CELF1: variants seen among roughly 807,000 people sequenced by gnomAD.
CELF1 encodes 50 kDa nuclear polyadenylated RNA-binding protein.
Under a neutral mutation model 61.8 loss-of-function variants are expected in CELF1, and 10 were observed. The observed-to-expected ratio is 0.16, with a 90% confidence interval of 0.10 to 0.27. CELF1 has a LOEUF of 0.27. Among genes scored for constraint, CELF1 ranks in the 10% least tolerant of loss-of-function variants. The pLI is 1.00. For synonymous variants in CELF1, 236 were observed against 225.1 expected (o/e 1.05, Z -0.43); for missense variants, 380 against 639.1 (o/e 0.59, Z 4.37).
At chr11:47,520,214 A>G (rs1181332545) in intron 1 of CELF1, among the ~76,000 whole-genome samples, 1 of 152,244 alleles carries the variant, frequency 6.6e-6, no homozygotes, top group East Asian at 1.9e-4. Flanking sequence ...AAATGTTACC[A>G]TAAATGTGAA....
At chr11:47,499,121 C>A (rs923581401) in intron 3 of CELF1, among the ~76,000 whole-genome samples, 1 of 152,092 alleles carries the variant, frequency 6.6e-6, no homozygotes, top group East Asian at 1.9e-4. Context: ...CAACCCAAAG[C>A]GACAATGCTA....
intron 3 of CELF1, chr11:47,495,919 A>C (rs942931304): frequency 6.4e-6 from 6 of 940,226 alleles, no homozygotes; most frequent in Non-Finnish European, 7.6e-6. Flanking sequence ...TAATTATACA[A>C]AAAGAAAAAA....
At chr11:47,476,759 C>A in intron 12 of CELF1, 87 bp downstream of exon 12, 4 of 1,027,294 alleles carry the variant, frequency 3.9e-6, no homozygotes, top group Non-Finnish European at 6.1e-6. Flanking sequence ...TGGGCCACTG[C>A]AATCATTCCA....
intron 1 of CELF1, among the ~76,000 whole-genome samples, chr11:47,549,577 C>T (rs567514280): frequency 7.2e-5 from 11 of 152,212 alleles, no homozygotes; most frequent in Non-Finnish European, 1.2e-4. Flanking sequence ...TCACAAAAAA[C>T]AGACATGGTA....
chr11:47,472,412 C>T, intron 14 of CELF1, 55 bp from the exon 15 acceptor site: 1 of 1,590,060 alleles, frequency 6.3e-7, no homozygotes, highest in South Asian at 1.1e-5. Flanking sequence ...AGGAGATTCT[C>T]AGTCCTCCTT....
At chr11:47,527,068 T>C (rs10742813) in intron 1 of CELF1, among the ~76,000 whole-genome samples, 150,738 of 151,464 alleles carry the variant, frequency 1, 75,011 homozygotes, top group Middle Eastern at 1. Flanking sequence ...AAAAAAAGCT[T>C]CAAAGAAAAA....
chr11:47,548,950 G>T (rs1169295379), intron 1 of CELF1, among the ~76,000 whole-genome samples: 7 of 151,200 alleles, frequency 4.6e-5, no homozygotes, highest in Non-Finnish European at 7.4e-5. Context: ...ATTAAAAACT[G>T]GGAAATGGCC....
chr11:47,505,232 G>A (rs551485613), intron 1 of CELF1, among the ~76,000 whole-genome samples: 2 of 151,248 alleles, frequency 1.3e-5, no homozygotes, highest in South Asian at 2.1e-4. Flanking sequence ...TTCCAATCAA[G>A]TCATACTTTC....
At chr11:47,517,745 C>A (rs1167820584) in intron 1 of CELF1, among the ~76,000 whole-genome samples, 1 of 151,922 alleles carries the variant, frequency 6.6e-6, no homozygotes, top group Admixed American at 6.6e-5. Context: ...CTCCGCCTCC[C>A]GGGTTCAAGC....
chr11:47,487,362 G>T, intron 4 of CELF1, 121 bp from the exon 5 acceptor site: 3 of 662,530 alleles, frequency 4.5e-6, no homozygotes, highest in Non-Finnish European at 5.2e-6. Context: ...ATTAGTGAGA[G>T]GGGGAGGGTA....
At chr11:47,478,293 G>A (rs191106079) in intron 10 of CELF1, among the ~76,000 whole-genome samples, 1 of 152,212 alleles carries the variant, frequency 6.6e-6, no homozygotes, top group Non-Finnish European at 1.5e-5. Context: ...AGAGGGTGTA[G>A]GCACAGGCAG....
chr11:47,484,445 G>A lies in CELF1; in HGVS notation c.470C>T (p.Ser157Leu), dbSNP rs746684771. The A allele has an allele frequency of 6.2e-7, 1 of 1,613,826 alleles. No homozygotes were observed. Among genetic ancestry groups the A allele is most frequent in the Non-Finnish European group, 8.5e-7 (1 of 1,179,928 alleles). ...CCGGCATTCTTCAATCTGTCCAAAC[G>A]AAGAGAACATGACTCGGATGTCATT... ...TENDIRVMFS[S>L]FGQIEECRIL... Residue 157 changes from serine to leucine, a missense_variant, in exon 7 of 15, where the codon TCG becomes TTG. Coordinates refer to ENST00000687097, the MANE Select transcript of CELF1 (RefSeq NM_001376376.1).
At position 47,514,316 on chromosome 11, in the gene CELF1, C is replaced by T. The variant is rs937952221; in HGVS notation, c.-153-13384G>A. ...CACCTAACAATGATAAACATTTTCT[C>T]GTAAGCAGCCATTATTAAAGGATCA... On this transcript the variant is annotated intron_variant, in intron 1 of 14. Transcript: ENST00000687097. Among the ~76,000 whole-genome samples the T allele has an allele frequency of 4.6e-5, 7 of 152,130 alleles. 1 individual carries two copies. The highest frequency in any genetic ancestry group is 3.9e-4 in the Admixed American group (6 of 15,282).
chr11:47,486,303 C>A (rs1456203597), intron 6 of CELF1, among the ~76,000 whole-genome samples: 1 of 151,860 alleles, frequency 6.6e-6, no homozygotes, highest in Non-Finnish European at 1.5e-5. Flanking sequence ...TCTGTCAGCT[C>A]TGTTCTTCAT....
At chr11:47,492,404 T>A (rs920376983) in intron 3 of CELF1, among the ~76,000 whole-genome samples, 2 of 152,122 alleles carry the variant, frequency 1.3e-5, no homozygotes, top group East Asian at 1.9e-4. Flanking sequence ...TTAATCCTAA[T>A]GTTCCAACAG....
Position 47,475,358 on chromosome 11 carries a change from A to T in CELF1, c.1251T>A (p.Gly417=), listed in dbSNP as rs761503748. ...NQNLLTQQSI[G]AAGSQKEGPE... The stretch of plus-strand genomic sequence containing the variant: ...CACCTTCCTTCTGGCTTCCAGCAGC[A>T]CCAATACTCTGCTGTGTCAGAAGAT... The change falls in exon 13 of 15, where the codon GGT becomes GGA. Residue 417 remains glycine (G), a synonymous_variant. Coordinates refer to ENST00000687097, the MANE Select transcript of CELF1 (RefSeq NM_001376376.1). 1 of 1,613,734 alleles carries T rather than the reference A, an allele frequency of 6.2e-7. No individual in the cohort carries two copies. The highest frequency in any genetic ancestry group is 8.5e-7 in the Non-Finnish European group (1 of 1,180,002).
chr11:47,545,870 C>CT (rs1565908910), intron 1 of CELF1, among the ~76,000 whole-genome samples: 51 of 91,782 alleles, frequency 5.6e-4, no homozygotes, highest in African/African-American at 2.3e-3. Context: ...TGTGTGTCTG[C>CT]GTGTGTGTGT....
intron 2 of CELF1, among the ~76,000 whole-genome samples, chr11:47,558,506 A>G: frequency 3.2e-5 from 4 of 123,110 alleles, no homozygotes; most frequent in African/African-American, 1.3e-4. Context: ...ATATTATATT[A>G]TATAAATAAT....
intron 2 of CELF1, among the ~76,000 whole-genome samples, chr11:47,559,917 G>A (rs1343159794): frequency 6.6e-6 from 1 of 151,048 alleles, no homozygotes; most frequent in Non-Finnish European, 1.5e-5. Flanking sequence ...CAGGAGAATC[G>A]CTTGAACCCA....
Sources: gnomAD v4.1 joint callset for allele counts (sites outside exome capture counted in the v4.1 genomes callset) on GRCh38, gnomAD v4.1.1 for gene constraint, MANE v1.5 for transcripts, NCBI Gene and HGNC (gene_info 2026-07-23, HGNC 2026-07-21) for gene names.